BCL9L: variants seen among roughly 807,000 people sequenced by gnomAD.
BCL9L encodes the protein B-cell CLL/lymphoma 9-like protein.
A neutral mutation model predicts 99.4 loss-of-function variants in BCL9L; 19 were observed. The observed-to-expected ratio is 0.19, with a 90% confidence interval of 0.13 to 0.28. The LOEUF (loss-of-function observed/expected upper bound fraction) is 0.28. Among genes scored for constraint, BCL9L ranks in the 10% least tolerant of loss-of-function variants. The pLI, the probability that BCL9L is intolerant of heterozygous loss-of-function variation, is 1.00. For synonymous variants in BCL9L, 900 were observed against 854.8 expected, an observed-to-expected ratio of 1.05 and a Z score of -0.92; for missense variants, 2,023 against 2,101.6, an observed-to-expected ratio of 0.96 and a Z score of 0.73.
At chr11:118,899,773 C>A (rs774729139) in intron 9 of BCL9L, 144 bp downstream of exon 9, 2 of 1,253,212 alleles carry the variant, frequency 1.6e-6, no homozygotes, top group African/African-American at 1.5e-5. Flanking sequence ...ATGACTCCAG[C>A]GAGTGGGAAC....
chr11:118,913,229 T>C (rs1591997202), intron 2 of BCL9L, among the ~76,000 whole-genome samples: 1 of 151,840 alleles, frequency 6.6e-6, no homozygotes, highest in Non-Finnish European at 1.5e-5. Context: ...TCCCTGGGAG[T>C]TTCCAGCCCC....
At chr11:118,905,827 T>C (rs896665213) in intron 5 of BCL9L, among the ~76,000 whole-genome samples, 2 of 150,038 alleles carry the variant, frequency 1.3e-5, no homozygotes, top group African/African-American at 5.0e-5. Flanking sequence ...CAAAAATAAA[T>C]AAATAAATAA....
In BCL9L at chr11:118,898,971, C is replaced by T. The variant is rs1591973699; in HGVS notation, c.3944G>A (p.Arg1315Gln). ...LNDPELSEVI[R>Q]PTPTGIPEFD... ...CTCGGGGATCCCCGTTGGGGTGGGC[C>T]GGATCACCTCGCTCAGCTCGGGGTC... The change falls in exon 10 of 10, where the codon CGG becomes CAG. Residue 1315 changes from arginine (R) to glutamine (Q), a missense_variant. Around this residue, in one of 3 missense-constraint regions of BCL9L, gnomAD observed 902 missense variants for 888.2 expected, o/e 1.02. Coordinates refer to ENST00000683865, the MANE Select transcript of BCL9L (RefSeq NM_001378213.1). The T allele has an allele frequency of 6.2e-6, 10 of 1,613,062 alleles. No homozygotes were observed. The highest frequency in any genetic ancestry group is 1.7e-5 in the Admixed American group (1 of 59,962).
chr11:118,899,045 G>C lies in BCL9L; in HGVS notation c.3870C>G (p.Gly1290=), dbSNP rs759697112. 6.2e-7 allele frequency: 1 copy of C among 1,612,744 alleles called. No homozygotes were observed. The highest frequency in any genetic ancestry group is 1.7e-5 in the Admixed American group (1 of 59,940). ...LMGKAMAGRM[G]DAYPPGVLPG... is the part of the protein sequence containing the mutation. The stretch of plus-strand genomic sequence containing the variant: ...GGAGCACACCCGGTGGGTATGCGTC[G>C]CCCATGCGCCCAGCCATGGCTTTGC... The change falls in exon 10 of 10, where the codon GGC becomes GGG. Residue 1290 remains glycine, a synonymous_variant. Coordinates refer to ENST00000683865, the MANE Select transcript of BCL9L (RefSeq NM_001378213.1).
chr11:118,917,947 G>A (rs1023881501), intron 2 of BCL9L, among the ~76,000 whole-genome samples: 1 of 152,164 alleles, frequency 6.6e-6, no homozygotes, highest in East Asian at 1.9e-4. Context: ...ACCGGTGAGG[G>A]TGGAGTCCCA....
In BCL9L at chr11:118,921,682, C is replaced by G. The variant is rs763152533; in HGVS notation, c.-130-2803G>C. On this transcript the variant is annotated intron_variant, in intron 1 of 9. Transcript: ENST00000683865. The surrounding 1 kb of genome is among the most constrained non-coding windows in gnomAD (Gnocchi z 5.4). ...GAGGGCCTGGGCTGCAAAGGAGAGG[C>G]CTCTGCTTTTGCCACTGACAGGAAA... is the stretch of plus-strand genomic sequence containing the variant. 6.6e-6 allele frequency among the ~76,000 whole-genome samples: 1 copy of G among 152,118 alleles called. No individual in the cohort carries two copies. The highest frequency in any genetic ancestry group is 2.4e-5 in the African/African-American group (1 of 41,414).
In BCL9L at chr11:118,925,772, G is replaced by A. The variant is rs1480327454; in HGVS notation, c.-665C>T. 6.7e-6 allele frequency among the ~76,000 whole-genome samples: 1 copy of A among 150,248 alleles called. No individual in the cohort carries two copies. The highest frequency in any genetic ancestry group is 1.5e-5 in the Non-Finnish European group (1 of 67,416). On this transcript the variant is annotated 5_prime_UTR_variant, in exon 1 of 10. Transcript: ENST00000683865. The surrounding 1 kb of genome is among the most constrained non-coding windows in gnomAD (Gnocchi z 6.4). ...GGGGACCCAGGCGTGCGGGCGTCCG[G>A]CCGGCTGGCTCCGGGCGGCGGCGGT...
At position 118,914,173 on chromosome 11, in the gene BCL9L, A is replaced by C. The variant is rs1940894572; in HGVS notation, c.-76-4158T>G. Among the ~76,000 whole-genome samples the C allele has an allele frequency of 6.6e-6, 1 of 152,184 alleles. No individual in the cohort carries two copies. Among genetic ancestry groups the C allele is most frequent in the South Asian group, 2.1e-4 (1 of 4,836 alleles). ...CCAAGCCTGGGTTCCCAGAACAGGC[A>C]GAGATGGGCAAGGCAGCTCCCTGTG... On this transcript the variant is annotated intron_variant, in intron 2 of 9. Coordinates refer to ENST00000683865, the MANE Select transcript of BCL9L (RefSeq NM_001378213.1). The surrounding 1 kb of genome is among the most constrained non-coding windows in gnomAD (Gnocchi z 4.4).
chr11:118,922,619 C>T lies in BCL9L; in HGVS notation c.-131+2619G>A, dbSNP rs897114047. ...GCGGGCCTGGCAGAGGCTCCCTGCC[C>T]GCGGCACCCAGCCTGTACCCGCTTG... On this transcript the variant is annotated intron_variant, in intron 1 of 9. Coordinates refer to ENST00000683865, the MANE Select transcript of BCL9L (RefSeq NM_001378213.1). This position sits in a 1 kb window ranked among gnomAD's most constrained non-coding sequence, Gnocchi z 6.2. 6.6e-6 allele frequency among the ~76,000 whole-genome samples: 1 copy of T among 152,086 alleles called. No homozygotes were observed. The highest frequency in any genetic ancestry group is 1.5e-5 in the Non-Finnish European group (1 of 67,996).
Position 118,898,309 on chromosome 11 carries a change from C to CCCCCCCCCCCCCCCCCCCCCCCCCCCAA in BCL9L, c.*105_*106insTTGGGGGGGGGGGGGGGGGGGGGGGGGG. 3 of 635,098 alleles carry CCCCCCCCCCCCCCCCCCCCCCCCCCCAA rather than the reference C, an allele frequency of 4.7e-6. No individual in the cohort carries two copies. Among genetic ancestry groups the CCCCCCCCCCCCCCCCCCCCCCCCCCCAA allele is most frequent in the East Asian group, 4.3e-5 (1 of 22,992 alleles). 39.3% of individuals were successfully genotyped at this position (635,098 alleles called of 1,614,324 possible). On this transcript the variant is annotated 3_prime_UTR_variant, in exon 10 of 10. Transcript: ENST00000683865. ...CCCTACACAAGCCCCCTCCCACCCC[C>CCCCCCCCCCCCCCCCCCCCCCCCCCCAA]TCCACCCCACCCCGCGACCCAGGCC... is the stretch of plus-strand genomic sequence containing the variant.
Position 118,910,919 on chromosome 11 carries a change from A to G in BCL9L, c.-76-904T>C, listed in dbSNP as rs1030658274. The stretch of plus-strand genomic sequence containing the variant: ...AGACACGCACGGAGCCCAGGAAGCT[A>G]GAGGCGCGCCGAGGCCAGGGAAGCG... On this transcript the variant is annotated intron_variant, in intron 2 of 9. Coordinates refer to ENST00000683865, the MANE Select transcript of BCL9L (RefSeq NM_001378213.1). 9 of 95,604 alleles carry G rather than the reference A, an allele frequency of 9.4e-5. No homozygotes were observed. In the African/African-American group the frequency reaches 2.1e-3, roughly 22 times the overall value. 5.9% of individuals were successfully genotyped at this position (95,604 alleles called of 1,614,324 possible).
rs749590125 is a variant in BCL9L, at chr11:118,908,352, C to T, written c.330G>A (p.Lys110=). ...CAGACACACTCCGGTCCCTCTTCAC[C>T]TTGCCCTTGAGCGAGCTGAAAGGGG... is the stretch of plus-strand genomic sequence containing the variant. ...GVPPFSSLKG[K]VKRDRSVSVD... The change falls in exon 4 of 10, where the codon AAG becomes AAA. Residue 110 remains lysine (K), a synonymous_variant. Transcript: ENST00000683865. The T allele has an allele frequency of 1.2e-6, 2 of 1,612,844 alleles. No individual in the cohort carries two copies.
chr11:118,905,403 G>A (rs1940467576), intron 5 of BCL9L, among the ~76,000 whole-genome samples: 1 of 151,782 alleles, frequency 6.6e-6, no homozygotes, highest in African/African-American at 2.4e-5. Context: ...CAGCTACTTG[G>A]GAGGCTGAAG....
At chr11:118,908,966 G>A (rs1565624678) in intron 3 of BCL9L, among the ~76,000 whole-genome samples, 1 of 152,210 alleles carries the variant, frequency 6.6e-6, no homozygotes, top group Admixed American at 6.5e-5. Flanking sequence ...CCATCAGCCT[G>A]CAAGCTTCTG....
chr11:118,911,683 T>C (rs1354105571), intron 2 of BCL9L, among the ~76,000 whole-genome samples: 1 of 152,236 alleles, frequency 6.6e-6, no homozygotes, highest in Non-Finnish European at 1.5e-5. Context: ...GAAAAGGAAG[T>C]GGCGTGACCT....
rs201338453 is a variant in BCL9L at position 118,897,766 on chromosome 11, T to G, written c.*649A>C. The G allele has an allele frequency of 4.0e-3, 1,817 of 453,394 alleles. 10 individuals carry two copies. The highest frequency in any genetic ancestry group is 5.7e-3 in the Non-Finnish European group (1,282 of 226,188). The allele number at this position is 453,394 out of a possible 1,614,324, so 28.1% of individuals were successfully genotyped here. A position where few individuals can be genotyped will look rare whatever the true frequency, so the allele number is the denominator to read the frequency against. On this transcript the variant is annotated 3_prime_UTR_variant, in exon 10 of 10. Coordinates refer to ENST00000683865, the MANE Select transcript of BCL9L (RefSeq NM_001378213.1). ...AAGGGTTTCTTTTATCCTTTTTTTT[T>G]TGTGTGACTTCTATCAAAACACAGA...
rs1408472084 is a variant in BCL9L, at chr11:118,902,346, T to A, written c.1397A>T (p.Glu466Val). ...TAPPSGLKKY[E>V]EPLQSMISQT... ...TGAAATCATGGACTGCAAGGGTTCC[T>A]CATATTTCTTCAGCCCGCTGGGAGG... Residue 466 changes from glutamate (E) to valine (V), a missense_variant, in exon 8 of 10, where the codon GAG (glutamate) becomes GTG (valine). Physicochemically the swap from Glu to Val is moderately radical, Grantham distance 121. This residue lies in a region of BCL9L where 1,116 missense variants were observed against 1,194.6 expected (regional missense o/e 0.93). Transcript: ENST00000683865. This position sits in a 1 kb window ranked among gnomAD's most constrained non-coding sequence, Gnocchi z 7.8. 1.3e-6 allele frequency: 2 copies of A among 1,510,988 alleles called. No homozygotes were observed. Among genetic ancestry groups the A allele is most frequent in the Non-Finnish European group, 1.8e-6 (2 of 1,128,560 alleles). The allele number at this position is 1,510,988 out of a possible 1,614,324, so 93.6% of individuals were successfully genotyped here. A position where few individuals can be genotyped will look rare whatever the true frequency, so the allele number is the denominator to read the frequency against.
rs1939914614 is a variant in BCL9L, at chr11:118,896,252, A to T, written c.*2163T>A. On this transcript the variant is annotated 3_prime_UTR_variant, in exon 10 of 10. Transcript: ENST00000683865. ...AATTGTTTCAAAATAAAAACCAAGA[A>T]GATGTCTTCACATATTGTATTTATA... is the stretch of plus-strand genomic sequence containing the variant. 1 of 166,074 alleles carries T rather than the reference A, an allele frequency of 6.0e-6. No individual in the cohort carries two copies. Among genetic ancestry groups the T allele is most frequent in the African/African-American group, 2.4e-5 (1 of 41,298 alleles). The allele number at this position is 166,074 out of a possible 1,614,324, so 10.3% of individuals were successfully genotyped here.
chr11:118,899,348 G>A lies in BCL9L; in HGVS notation c.3567C>T (p.Pro1189=). ...TPLGSNIPLH[P]NAQGTGGPPQ... ...GGGGCCCCCCTGTCCCCTGTGCGTT[G>A]GGATGCAGTGGAATGTTGGAGCCCA... is the stretch of plus-strand genomic sequence containing the variant. Residue 1189 remains proline, a synonymous_variant, in exon 10 of 10, where the codon CCC becomes CCT. Transcript: ENST00000683865. The A allele has an allele frequency of 6.3e-7, 1 of 1,581,504 alleles. No individual in the cohort carries two copies. The highest frequency in any genetic ancestry group is 8.6e-7 in the Non-Finnish European group (1 of 1,164,478).
Sources: gnomAD v4.1 joint callset for allele counts (sites outside exome capture counted in the v4.1 genomes callset) on GRCh38, gnomAD v4.1.1 for gene constraint, gnomAD v4.1.1 regional missense constraint, Gnocchi (gnomAD v3.1) non-coding constraint, MANE v1.5 for transcripts, NCBI Gene and HGNC (gene_info 2026-07-23, HGNC 2026-07-21) for gene names.